The following GINS4 variants were observed in gnomAD, a reference collection of about 807,000 sequenced individuals.
The protein encoded by GINS4 is GINS complex subunit 4.
Under a neutral mutation model 31.1 loss-of-function variants are expected in GINS4, and 20 were observed. The ratio of observed to expected loss-of-function variants is 0.64; its 90% CI spans 0.45 to 0.93. The LOEUF (loss-of-function observed/expected upper bound fraction) is 0.93, where lower values mean the gene tolerates loss of function less well. GINS4 is among the 40% of genes least tolerant of loss of function. The probability of loss-of-function intolerance (pLI) is 0.00; values close to 1 mark genes in which losing one functional copy is unlikely to be tolerated. For missense variants in GINS4, 245 were observed against 273.9 expected (o/e 0.89, Z 0.75); for synonymous variants, 85 against 97.9 (o/e 0.87, Z 0.78).
Position 41,539,924 on chromosome 8 carries a change from C to A in GINS4, c.404C>A (p.Ala135Glu). Residue 135 changes from alanine to glutamate, a missense_variant, in exon 6 of 8, where the codon GCG becomes GAG. By Grantham distance (107) the Ala-to-Glu change is moderately radical. Coordinates refer to ENST00000276533, the MANE Select transcript of GINS4 (RefSeq NM_032336.3). ...EELAFAREFM[A>E]NTESYLKNVA... ...GAATCCATGTCTTTCAGGTTCATGGCGAACACAGAGTCCTATCTGAAAAAT... is the reference window on the plus strand; with the variant it reads ...GAATCCATGTCTTTCAGGTTCATGGAGAACACAGAGTCCTATCTGAAAAAT... 1 of 1,613,876 alleles carries A rather than the reference C, an allele frequency of 6.2e-7. No individual in the cohort carries two copies. The highest frequency in any genetic ancestry group is 8.5e-7 in the Non-Finnish European group (1 of 1,179,786).
intron 2 of GINS4, 133 bp downstream of exon 2, chr8:41,530,431 T>C: frequency 1.6e-6 from 1 of 631,924 alleles, no homozygotes; most frequent in East Asian, 2.8e-5. Context: ...TCTTACCATC[T>C]ACATGGAAAC....
Position 41,529,942 on chromosome 8 carries a change from C to T in GINS4, c.-19-242C>T, listed in dbSNP as rs57055000. 446 of 420,854 alleles carry T rather than the reference C, an allele frequency of 1.1e-3. 5 individuals are homozygous for T. The East Asian group carries it at 0.02, about 19-fold the overall frequency. 26.1% of individuals were successfully genotyped at this position (420,854 alleles called of 1,614,324 possible). On this transcript the variant is annotated intron_variant, in intron 1 of 7. Transcript: ENST00000276533. ...TAGTGATTGTATGGTGTGATGGGTGCTCAGCTCTTGGTGGACAGAAGTAAG... is the reference window on the plus strand; with the variant it reads ...TAGTGATTGTATGGTGTGATGGGTGTTCAGCTCTTGGTGGACAGAAGTAAG...
intron 3 of GINS4, 75 bp downstream of exon 3, chr8:41,536,521 G>T: frequency 1.2e-6 from 1 of 826,272 alleles, no homozygotes; most frequent in South Asian, 1.6e-5. Context: ...GAGAGCTTGT[G>T]GTCTGGTAGC....
rs1156618237 is a variant in GINS4 at position 41,542,536 on chromosome 8, A to C, written c.*449A>C. 5.6e-6 allele frequency: 1 copy of C among 178,114 alleles called. No individual in the cohort carries two copies. The highest frequency in any genetic ancestry group is 1.2e-5 in the Non-Finnish European group (1 of 82,182). The allele number at this position is 178,114 out of a possible 1,614,324, so 11.0% of individuals were successfully genotyped here. A position where few individuals can be genotyped will look rare whatever the true frequency, so the allele number is the denominator to read the frequency against. ...GCCAGGCATGGTGGCGGGCCCATCTACTCAGGAGGCTGAGGCAGGAGAATG... is the reference window on the plus strand; with the variant it reads ...GCCAGGCATGGTGGCGGGCCCATCTCCTCAGGAGGCTGAGGCAGGAGAATG... On this transcript the variant is annotated 3_prime_UTR_variant, in exon 8 of 8. Coordinates refer to ENST00000276533, the MANE Select transcript of GINS4 (RefSeq NM_032336.3).
At chr8:41,539,581 T>C in intron 4 of GINS4, 97 bp from the exon 5 acceptor site, 1 of 844,614 alleles carries the variant, frequency 1.2e-6, no homozygotes. Context: ...CACATGTCCT[T>C]CCTCGGGAGG....
At position 41,541,823 on chromosome 8, in the gene GINS4, C is replaced by T. The variant is rs1806845786; in HGVS notation, c.499C>T (p.Leu167=). 6.2e-7 allele frequency: 1 copy of T among 1,613,920 alleles called. No homozygotes were observed. The highest frequency in any genetic ancestry group is 8.5e-7 in the Non-Finnish European group (1 of 1,179,794). Reference sequence around the variant, plus strand: ...TTTCCTGGCAGTTCCCAAACCAGATCTAGATTCTTACGTGTTTCTGAGAGT... The same window carrying T: ...TTTCCTGGCAGTTCCCAAACCAGATTTAGATTCTTACGTGTTTCTGAGAGT... ...DLFRAVPKPD[L]DSYVFLRVRE... is the part of the protein sequence containing the mutation. The change falls in exon 7 of 8, where the codon CTA becomes TTA. Residue 167 remains leucine (L), a synonymous_variant. Transcript: ENST00000276533.
At chr8:41,535,305 T>G (rs1806723650) in intron 2 of GINS4, among the ~76,000 whole-genome samples, 1 of 152,166 alleles carries the variant, frequency 6.6e-6, no homozygotes, top group South Asian at 2.1e-4. Flanking sequence ...GCCTCTGCTT[T>G]CCAGCCTGGG....
Position 41,530,309 on chromosome 8 carries a change from CA to C in GINS4, c.96+12del. On this transcript the variant is annotated intron_variant, in intron 2 of 7. Coordinates refer to ENST00000276533, the MANE Select transcript of GINS4 (RefSeq NM_032336.3). ...GAAAGATTGGAGCAGGTAAGCATCC[CA>C]GATCGAATCCCTTTGCTCCAGTCAG... 6.3e-7 allele frequency: 1 copy of C among 1,586,366 alleles called. No individual in the cohort carries two copies. Among genetic ancestry groups the C allele is most frequent in the Non-Finnish European group, 8.6e-7 (1 of 1,157,466 alleles).
rs1241244156 is a variant in GINS4 at position 41,543,310 on chromosome 8, C to T, written c.*1223C>T. 6.6e-6 allele frequency: 1 copy of T among 152,234 alleles called. No individual in the cohort carries two copies. The highest frequency in any genetic ancestry group is 6.6e-5 in the Admixed American group (1 of 15,266). 9.4% of individuals were successfully genotyped at this position (152,234 alleles called of 1,614,324 possible). On this transcript the variant is annotated 3_prime_UTR_variant, in exon 8 of 8. Coordinates refer to ENST00000276533, the MANE Select transcript of GINS4 (RefSeq NM_032336.3). ...TGAAGTATGTGCTCCCTGCTGTTAACCCGCAGCCCTCCCCAACTCTCCAGC... is the reference window on the plus strand; with the variant it reads ...TGAAGTATGTGCTCCCTGCTGTTAATCCGCAGCCCTCCCCAACTCTCCAGC...
chr8:41,542,191 A>AC lies in GINS4; in HGVS notation c.*106dup, dbSNP rs1806854995. 1 of 796,926 alleles carries AC rather than the reference A, an allele frequency of 1.3e-6. No homozygotes were observed. Among genetic ancestry groups the AC allele is most frequent in the African/African-American group, 1.7e-5 (1 of 59,288 alleles). 49.4% of individuals were successfully genotyped at this position (796,926 alleles called of 1,614,324 possible). On this transcript the variant is annotated 3_prime_UTR_variant, in exon 8 of 8. Coordinates refer to ENST00000276533, the MANE Select transcript of GINS4 (RefSeq NM_032336.3). ...GAGGTCAGGAGTTCGAGACCAACCGACCAACATGGTGAAACCCCATCTTTA... is the reference window on the plus strand; with the variant it reads ...GAGGTCAGGAGTTCGAGACCAACCGACCCAACATGGTGAAACCCCATCTTTA...
chr8:41,540,204 T>C (rs540712061), intron 6 of GINS4, among the ~76,000 whole-genome samples, 200 bp downstream of exon 6: 1 of 152,350 alleles, frequency 6.6e-6, no homozygotes, highest in Admixed American at 6.5e-5. Flanking sequence ...GCTTCCTTGT[T>C]CCCTGGGGTG....
Position 41,532,905 on chromosome 8 carries a change from C to T in GINS4, c.96+2607C>T, listed in dbSNP as rs114763546. 3.8e-3 allele frequency among the ~76,000 whole-genome samples: 574 copies of T among 151,548 alleles called. 5 individuals carry two copies. The highest frequency in any genetic ancestry group is 0.013 in the African/African-American group (556 of 41,336). On this transcript the variant is annotated intron_variant, in intron 2 of 7. Transcript: ENST00000276533. Reference sequence around the variant, plus strand: ...GCCGTGGGATATAAATAGGTATAATCGCTTTGGAAAATAATTTGTTATTGT... The same window carrying T: ...GCCGTGGGATATAAATAGGTATAATTGCTTTGGAAAATAATTTGTTATTGT...
chr8:41,530,044 T>C, intron 1 of GINS4, 140 bp from the exon 2 acceptor site: 1 of 582,276 alleles, frequency 1.7e-6, no homozygotes, highest in South Asian at 2.2e-5. Flanking sequence ...CTAGAGTCCC[T>C]GCGTTCTCTC....
chr8:41,539,806 C>G lies in GINS4; in HGVS notation c.395+31C>G, dbSNP rs775856426. ...TGAGTGAGCCGTTGGCGTGGGGCACCTGGCTGGTTCAGCATGAGGCCTGTC... is the reference window on the plus strand; with the variant it reads ...TGAGTGAGCCGTTGGCGTGGGGCACGTGGCTGGTTCAGCATGAGGCCTGTC... On this transcript the variant is annotated intron_variant, in intron 5 of 7. Coordinates refer to ENST00000276533, the MANE Select transcript of GINS4 (RefSeq NM_032336.3). The G allele has an allele frequency of 1.9e-6, 3 of 1,598,570 alleles. No homozygotes were observed. In the South Asian group the frequency reaches 3.3e-5, roughly 18 times the overall value.
chr8:41,532,655 C>G (rs534187101), intron 2 of GINS4, among the ~76,000 whole-genome samples: 4 of 151,854 alleles, frequency 2.6e-5, no homozygotes, highest in African/African-American at 9.7e-5. Flanking sequence ...GCCAACATGG[C>G]GAAACCCCGT....
rs781536483 is a variant in GINS4 at position 41,541,972 on chromosome 8, G to A, written c.576-19G>A. On this transcript the variant is annotated intron_variant, in intron 7 of 7. Coordinates refer to ENST00000276533, the MANE Select transcript of GINS4 (RefSeq NM_032336.3). ...GGCCAGCCGAGCTCTGCAGGCAAAT[G>A]TGTTTCCCTCTTTTTCAGGGACTAC... The A allele has an allele frequency of 4.3e-5, 70 of 1,612,472 alleles. No individual in the cohort carries two copies. Among genetic ancestry groups the A allele is most frequent in the Non-Finnish European group, 5.7e-5 (67 of 1,178,536 alleles).
chr8:41,535,323 G>A lies in GINS4; in HGVS notation c.97-1037G>A, dbSNP rs570773954. On this transcript the variant is annotated intron_variant, in intron 2 of 7. Transcript: ENST00000276533. ...TCTGCTTTCCAGCCTGGGCAACAGA[G>A]TGAGACTGTGCCTCAAAAATAAATA... 5.6e-4 allele frequency among the ~76,000 whole-genome samples: 85 copies of A among 152,252 alleles called. 1 individual carries two copies. The South Asian group carries it at 0.016, about 29-fold the overall frequency.
chr8:41,532,429 G>T (rs1334783384), intron 2 of GINS4, among the ~76,000 whole-genome samples: 1 of 151,054 alleles, frequency 6.6e-6, no homozygotes, highest in African/African-American at 2.4e-5. Flanking sequence ...AGTGGCTCAT[G>T]CCTGTAGTTC....
rs1292934768 is a variant in GINS4, at chr8:41,542,515, G to T, written c.*428G>T. On this transcript the variant is annotated 3_prime_UTR_variant, in exon 8 of 8. Transcript: ENST00000276533. Reference sequence around the variant, plus strand: ...TACTAAAAATACAAAAAATTAGCCAGGCATGGTGGCGGGCCCATCTACTCA... The same window carrying T: ...TACTAAAAATACAAAAAATTAGCCATGCATGGTGGCGGGCCCATCTACTCA... 1.1e-5 allele frequency: 2 copies of T among 184,240 alleles called. No homozygotes were observed. The highest frequency in any genetic ancestry group is 1.2e-5 in the Non-Finnish European group (1 of 86,006). The allele number at this position is 184,240 out of a possible 1,614,324, so 11.4% of individuals were successfully genotyped here. A position where few individuals can be genotyped will look rare whatever the true frequency, so the allele number is the denominator to read the frequency against.
Sources: allele counts gnomAD v4.1 joint callset (sites outside exome capture counted in the v4.1 genomes callset), GRCh38; gene constraint gnomAD v4.1.1; transcripts MANE v1.5; gene names NCBI Gene and HGNC (gene_info 2026-07-23, HGNC 2026-07-21).